VPS13B: variants seen among roughly 807,000 people sequenced by gnomAD.
VPS13B encodes vacuolar protein sorting 13 homolog B, also known as intermembrane lipid transfer protein VPS13B.
VPS13B carries 285 observed loss-of-function variants against 426.4 expected under a neutral mutation model. The ratio of observed to expected loss-of-function variants is 0.67; its 90% confidence interval spans 0.61 to 0.74. The LOEUF is 0.74. VPS13B is among the 30% of genes least tolerant of loss of function. The pLI, the probability that VPS13B is intolerant of heterozygous loss-of-function variation, is 0.00. For synonymous variants in VPS13B, 1,676 were observed against 1,676.4 expected, an observed-to-expected ratio of 1.00 and a Z score of 0.01; for missense variants, 4,537 against 4,782.6, an observed-to-expected ratio of 0.95 and a Z score of 1.51.
At position 99,437,030 on chromosome 8, in the gene VPS13B, T is replaced by C. The variant is rs375047162; in HGVS notation, c.3210+5366T>C. On this transcript the variant is annotated intron_variant, in intron 22 of 61. Coordinates refer to ENST00000357162, the MANE Select transcript of VPS13B (RefSeq NM_152564.5). Reference sequence around the variant, plus strand: ...CTGGGATTACAGGCGTGAGCTTTTATTTTTAAAAACGTTGTCCATTTTTTA... The same window carrying C: ...CTGGGATTACAGGCGTGAGCTTTTACTTTTAAAAACGTTGTCCATTTTTTA... Among the ~76,000 whole-genome samples, 43 of 152,272 alleles carry C rather than the reference T, an allele frequency of 2.8e-4. No homozygotes were observed. The East Asian group carries it at 5.0e-3, about 18-fold the overall frequency.
At chr8:99,370,924 T>C (rs1013434543) in intron 19 of VPS13B, among the ~76,000 whole-genome samples, 7 of 152,218 alleles carry the variant, frequency 4.6e-5, no homozygotes, top group African/African-American at 1.7e-4. Flanking sequence ...GTTTTTATTA[T>C]AAAAGTAATT....
chr8:99,032,828 C>G (rs1842581678), intron 2 of VPS13B, among the ~76,000 whole-genome samples: 1 of 152,076 alleles, frequency 6.6e-6, no homozygotes, highest in Non-Finnish European at 1.5e-5. Flanking sequence ...GTGTGAGCCA[C>G]TGCGCCTGGC....
At chr8:99,142,172 GT>G (rs1810465443) in intron 12 of VPS13B, among the ~76,000 whole-genome samples, 1 of 152,150 alleles carries the variant, frequency 6.6e-6, no homozygotes, top group Non-Finnish European at 1.5e-5. Context: ...TTGTATAAAA[GT>G]ATTAGAAGGT....
intron 16 of VPS13B, among the ~76,000 whole-genome samples, chr8:99,191,062 G>A (rs1445728830): frequency 6.6e-6 from 1 of 151,778 alleles, no homozygotes; most frequent in African/African-American, 2.4e-5. Context: ...CTGAATTTTG[G>A]ATTCTAGGCT....
In VPS13B at chr8:99,817,806, T is replaced by C. The variant is rs1389567985; in HGVS notation, c.8361+3T>C. ...CTGAGTACAGCATTGTCATTCAGGT[T>C]TGAAAAGACGTTCAATCTAGAATAG... On this transcript the variant is annotated splice_donor_region_variant and intron_variant, in intron 45 of 61. Coordinates refer to ENST00000357162, the MANE Select transcript of VPS13B (RefSeq NM_152564.5). 3 of 1,614,054 alleles carry C rather than the reference T, an allele frequency of 1.9e-6. No individual in the cohort carries two copies. Among genetic ancestry groups the C allele is most frequent in the Admixed American group, 1.7e-5 (1 of 60,012 alleles).
intron 19 of VPS13B, among the ~76,000 whole-genome samples, chr8:99,307,330 A>C (rs1820695537): frequency 6.6e-6 from 1 of 152,072 alleles, no homozygotes; most frequent in African/African-American, 2.4e-5. Flanking sequence ...CCCTTTGAAA[A>C]ATTGTTAAAA....
chr8:99,051,766 C>T (rs1174146443), intron 3 of VPS13B, among the ~76,000 whole-genome samples: 1 of 152,096 alleles, frequency 6.6e-6, no homozygotes, highest in East Asian at 1.9e-4. Context: ...AGTTGGATTC[C>T]TAGGTATTTC....
intron 25 of VPS13B, among the ~76,000 whole-genome samples, chr8:99,495,079 T>A (rs1005348997): frequency 6.6e-6 from 1 of 152,278 alleles, no homozygotes; most frequent in Admixed American, 6.5e-5. Flanking sequence ...ATGTGAAATA[T>A]AAACTTTCCA....
chr8:99,652,644 A>T (rs1829866844), intron 34 of VPS13B, among the ~76,000 whole-genome samples: 1 of 152,090 alleles, frequency 6.6e-6, no homozygotes, highest in South Asian at 2.1e-4. Flanking sequence ...ATGGCTTCTT[A>T]CACCTCATAA....
chr8:99,268,320 A>G (rs1454364752), intron 17 of VPS13B, among the ~76,000 whole-genome samples: 2 of 152,200 alleles, frequency 1.3e-5, no homozygotes, highest in Non-Finnish European at 2.9e-5. Flanking sequence ...TCCAGACCCC[A>G]GAATTGTAGA....
At chr8:99,305,701 A>C (rs964249199) in intron 19 of VPS13B, among the ~76,000 whole-genome samples, 65 of 152,248 alleles carry the variant, frequency 4.3e-4, no homozygotes, top group African/African-American at 1.5e-3. Flanking sequence ...AATTAGTAAA[A>C]GATTTTGAAC....
chr8:99,304,981 C>T (rs982398727), intron 19 of VPS13B, among the ~76,000 whole-genome samples: 22 of 152,154 alleles, frequency 1.4e-4, no homozygotes, highest in Admixed American at 2.0e-4. Context: ...TCATGTGGAA[C>T]GATTTGCAAT....
At chr8:99,826,503 C>T (rs574562868) in intron 51 of VPS13B, among the ~76,000 whole-genome samples, 48 of 152,230 alleles carry the variant, frequency 3.2e-4, no homozygotes, top group African/African-American at 8.4e-4. Flanking sequence ...TATATAATCA[C>T]GCCATCTGCA....
intron 17 of VPS13B, among the ~76,000 whole-genome samples, chr8:99,201,172 G>A (rs1814298422): frequency 6.6e-6 from 1 of 151,908 alleles, no homozygotes; most frequent in East Asian, 1.9e-4. Flanking sequence ...TAAGAAATGT[G>A]TATATGTTTC....
At position 99,641,817 on chromosome 8, in the gene VPS13B, A is replaced by G. The variant is rs766163017; in HGVS notation, c.5227A>G (p.Lys1743Glu). Reference sequence around the variant, plus strand: ...TATTACTTTTTTCTTACAGATCTCTAAACAAGAACAGAAAAAAGTGGATAT... The same window carrying G: ...TATTACTTTTTTCTTACAGATCTCTGAACAAGAACAGAAAAAAGTGGATAT... ...EPSNKAAEIS[K>E]QEQKKVDIFD... Residue 1743 changes from lysine (K) to glutamate (E), a missense_variant, in exon 34 of 62, where the codon AAA becomes GAA. Physicochemically the swap from Lys to Glu is moderately conservative, Grantham distance 56. This residue lies in a region of VPS13B where 4,311 missense variants were observed against 4,474.3 expected (regional missense o/e 0.96). Coordinates refer to ENST00000357162, the MANE Select transcript of VPS13B (RefSeq NM_152564.5). The G allele has an allele frequency of 6.2e-7, 1 of 1,610,132 alleles. No homozygotes were observed.
chr8:99,869,148 C>A (rs892351325), intron 59 of VPS13B, among the ~76,000 whole-genome samples: 5 of 152,226 alleles, frequency 3.3e-5, no homozygotes, highest in African/African-American at 4.8e-5. Context: ...AAGTGACTTT[C>A]CATAAACCTG....
At chr8:99,677,830 G>C (rs1831004392) in intron 35 of VPS13B, among the ~76,000 whole-genome samples, 1 of 152,134 alleles carries the variant, frequency 6.6e-6, no homozygotes, top group Non-Finnish European at 1.5e-5. Context: ...GTCTTCCTAG[G>C]AACATGGAGT....
Position 99,708,878 on chromosome 8 carries a change from C to T in VPS13B, c.6455-8293C>T, listed in dbSNP as rs147158980. ...ATATATATATAGGCTCTCTCTTTTG[C>T]GCTCTCTATATATGGGCTTATTACA... On this transcript the variant is annotated intron_variant, in intron 36 of 61. Transcript: ENST00000357162. Among the ~76,000 whole-genome samples, 202 of 150,704 alleles carry T rather than the reference C, an allele frequency of 1.3e-3. 1 individual carries two copies. In the South Asian group the frequency reaches 0.017, roughly 13 times the overall value.
chr8:99,199,482 T>G (rs1814167228), intron 17 of VPS13B, among the ~76,000 whole-genome samples: 1 of 152,166 alleles, frequency 6.6e-6, no homozygotes. Context: ...AGAACCATAA[T>G]TTTTAAAGTC....
Sources: allele counts gnomAD v4.1 joint callset (sites outside exome capture counted in the v4.1 genomes callset), GRCh38; gene constraint gnomAD v4.1.1; regional missense constraint gnomAD v4.1.1; transcripts MANE v1.5; gene names NCBI Gene and HGNC (gene_info 2026-07-23, HGNC 2026-07-21).